CCDC102B: variants seen among roughly 807,000 people sequenced by gnomAD.
CCDC102B encodes the protein coiled-coil domain containing 102B, also known as coiled-coil domain-containing protein 102B.
CCDC102B carries 75 observed loss-of-function variants against 57.4 expected under a neutral mutation model. The observed-to-expected ratio is 1.31, with a 90% CI of 1.08 to 1.58. The LOEUF is 1.58. CCDC102B is among the 40% of genes most tolerant of loss of function. The pLI is 0.00. For synonymous variants in CCDC102B, 206 were observed against 201.9 expected (o/e 1.02, Z -0.17); for missense variants, 636 against 582.6 (o/e 1.09, Z -0.94).
At chr18:68,894,827 T>A (rs937259231) in intron 5 of CCDC102B, among the ~76,000 whole-genome samples, 1 of 151,676 alleles carries the variant, frequency 6.6e-6, no homozygotes, top group Non-Finnish European at 1.5e-5. Context: ...AATCATTACT[T>A]AAAAAAAATC....
chr18:68,965,668 G>A (rs2050150640), intron 6 of CCDC102B, among the ~76,000 whole-genome samples: 1 of 151,574 alleles, frequency 6.6e-6, no homozygotes, highest in Admixed American at 6.6e-5. Flanking sequence ...AAAAATCCTT[G>A]TCAGATTGTT....
intron 5 of CCDC102B, among the ~76,000 whole-genome samples, chr18:68,887,201 T>C (rs2039919463): frequency 6.6e-6 from 1 of 152,084 alleles, no homozygotes; most frequent in African/African-American, 2.4e-5. Flanking sequence ...AGTTCTTCCT[T>C]CTCCCGTCGA....
In CCDC102B at chr18:68,832,466, G is replaced by A. The variant is rs1048164601; in HGVS notation, c.-15-4283G>A. ...GTTCACTTTCAAGGAGCAGGTCAGC[G>A]GTGGATATTCAACCCACTTTATTTT... On this transcript the variant is annotated intron_variant, in intron 1 of 7. Transcript: ENST00000360242. Among the ~76,000 whole-genome samples the A allele has an allele frequency of 5.3e-5, 8 of 152,182 alleles. No individual in the cohort carries two copies. In the South Asian group the frequency reaches 1.0e-3, roughly 20 times the overall value.
At position 68,961,547 on chromosome 18, in the gene CCDC102B, G is replaced by T. The variant is rs551134805; in HGVS notation, c.1264-49387G>T. Among the ~76,000 whole-genome samples the T allele has an allele frequency of 1.1e-4, 16 of 151,992 alleles. 1 individual carries two copies. In the South Asian group the frequency reaches 3.3e-3, roughly 32 times the overall value. On this transcript the variant is annotated intron_variant, in intron 6 of 7. Transcript: ENST00000360242. ...AAAATATTACAAAATATACTAAGAA[G>T]TATGTTACTAAATTTGTAGGAAATT...
Position 69,030,562 on chromosome 18 carries a change from T to G in CCDC102B, c.1434+19458T>G, listed in dbSNP as rs2052111792. Among the ~76,000 whole-genome samples the G allele has an allele frequency of 3.3e-5, 5 of 152,372 alleles. No individual in the cohort carries two copies. In the South Asian group the frequency reaches 1.0e-3, roughly 32 times the overall value. ...CTTGCACTTTGGGAATCTTTTCTTG[T>G]TCTTTGAACTTCCACAAGAATATGG... On this transcript the variant is annotated intron_variant, in intron 7 of 7. Coordinates refer to ENST00000360242, the MANE Select transcript of CCDC102B (RefSeq NM_024781.3).
Position 69,054,434 on chromosome 18 carries a change from T to A in CCDC102B, c.*297T>A. The A allele has an allele frequency of 9.5e-6, 10 of 1,049,336 alleles. No homozygotes were observed. The highest frequency in any genetic ancestry group is 1.1e-5 in the Non-Finnish European group (10 of 872,418). The allele number at this position is 1,049,336 out of a possible 1,614,324, so 65.0% of individuals were successfully genotyped here. On this transcript the variant is annotated 3_prime_UTR_variant, in exon 8 of 8. Transcript: ENST00000360242. ...CTTTTTACATAAAATCTGAAAGAGTTATAATATCGGTAAGAAAAAGTAAGT... is the reference window on the plus strand; with the variant it reads ...CTTTTTACATAAAATCTGAAAGAGTAATAATATCGGTAAGAAAAAGTAAGT...
intron 6 of CCDC102B, among the ~76,000 whole-genome samples, chr18:68,911,583 T>C (rs2040856881): frequency 6.7e-6 from 1 of 149,288 alleles, no homozygotes; most frequent in Admixed American, 6.6e-5. Context: ...AAACCCCGTC[T>C]CTACTAAAAA....
chr18:69,047,636 A>G (rs926601659), intron 7 of CCDC102B, among the ~76,000 whole-genome samples: 5 of 152,132 alleles, frequency 3.3e-5, no homozygotes, highest in African/African-American at 1.2e-4. Flanking sequence ...ATATCTAAAA[A>G]AACCTCATCA....
At chr18:68,788,479 T>A (rs927210323) in intron 2 of CCDC102B, among the ~76,000 whole-genome samples, 1 of 151,574 alleles carries the variant, frequency 6.6e-6, no homozygotes, top group African/African-American at 2.4e-5. Context: ...TCTTTGTAGG[T>A]CGCTCAGGAC....
At position 68,837,097 on chromosome 18, in the gene CCDC102B, G is replaced by A. The variant is rs530556911; in HGVS notation, c.334G>A (p.Glu112Lys). The change falls in exon 2 of 8, where the codon GAA becomes AAA. Residue 112 changes from glutamate (E) to lysine (K), a missense_variant. Physicochemically the swap from Glu to Lys is moderately conservative, Grantham distance 56. Coordinates refer to ENST00000360242, the MANE Select transcript of CCDC102B (RefSeq NM_024781.3). ...AGAAAAATGGAGTAAAGTTCGAGCT[G>A]AAAGGAACAGTGCCAGGGAGGAAGG... ...WREKWSKVRA[E>K]RNSAREEGRQ... 1.2e-6 allele frequency: 2 copies of A among 1,614,164 alleles called. No homozygotes were observed. Among genetic ancestry groups the A allele is most frequent in the East Asian group, 4.5e-5 (2 of 44,880 alleles).
chr18:68,792,523 T>A lies in CCDC102B; in HGVS notation c.-66-30843T>A, dbSNP rs888850907. On this transcript the variant is annotated intron_variant, in intron 2 of 3. Transcript: ENST00000578970. Reference sequence around the variant, plus strand: ...GATGTTGCAGTTAGGTCAACATAACTACTCTTAAAAACAACTATTGCCAGT... The same window carrying A: ...GATGTTGCAGTTAGGTCAACATAACAACTCTTAAAAACAACTATTGCCAGT... 3.3e-5 allele frequency among the ~76,000 whole-genome samples: 5 copies of A among 152,364 alleles called. No homozygotes were observed. The East Asian group carries it at 9.6e-4, about 29-fold the overall frequency.
At chr18:68,975,134 G>A (rs1647914149) in intron 6 of CCDC102B, among the ~76,000 whole-genome samples, 1 of 151,902 alleles carries the variant, frequency 6.6e-6, no homozygotes, top group African/African-American at 2.4e-5. Flanking sequence ...TTGTCTAATG[G>A]GCAGTGTTGG....
chr18:69,033,859 T>C (rs2052213761), intron 7 of CCDC102B, among the ~76,000 whole-genome samples: 1 of 152,086 alleles, frequency 6.6e-6, no homozygotes. Context: ...CCAAAATTTG[T>C]TAGAGTTCAT....
intron 5 of CCDC102B, among the ~76,000 whole-genome samples, chr18:68,882,190 AACAAG>A (rs1463174797): frequency 2.0e-5 from 3 of 152,240 alleles, no homozygotes; most frequent in Non-Finnish European, 4.4e-5. Flanking sequence ...TAAATAAATA[AACAAG>A]ACAATTATTG....
At chr18:68,788,344 T>A (rs2035292028) in intron 2 of CCDC102B, among the ~76,000 whole-genome samples, 1 of 149,962 alleles carries the variant, frequency 6.7e-6, no homozygotes, top group South Asian at 2.1e-4. Context: ...GTCTATTAGG[T>A]CCGCTTGGTG....
intron 6 of CCDC102B, among the ~76,000 whole-genome samples, chr18:68,931,437 C>G (rs1359812350): frequency 6.6e-6 from 1 of 151,518 alleles, no homozygotes; most frequent in East Asian, 1.9e-4. Flanking sequence ...TTTTGATTTC[C>G]TGAGGAAAGC....
chr18:68,853,393 T>C (rs987277993), intron 4 of CCDC102B, among the ~76,000 whole-genome samples: 3 of 151,884 alleles, frequency 2.0e-5, no homozygotes, highest in Admixed American at 1.3e-4. Flanking sequence ...GATCAACTTT[T>C]GGAAAAAGTC....
At position 68,898,450 on chromosome 18, in the gene CCDC102B, A is replaced by G. The variant is rs77410458; in HGVS notation, c.1263+1022A>G. ...AAGTTAAATGTTATAGTCCGTGACCATAATTTTCTATTATATTGATTCATA... is the reference window on the plus strand; with the variant it reads ...AAGTTAAATGTTATAGTCCGTGACCGTAATTTTCTATTATATTGATTCATA... On this transcript the variant is annotated intron_variant, in intron 6 of 7. Coordinates refer to ENST00000360242, the MANE Select transcript of CCDC102B (RefSeq NM_024781.3). Among the ~76,000 whole-genome samples the G allele has an allele frequency of 1.4e-3, 213 of 152,240 alleles. 5 individuals carry two copies. The East Asian group carries it at 0.033, about 24-fold the overall frequency.
At position 69,054,170 on chromosome 18, in the gene CCDC102B, G is replaced by T. The variant is rs760198313; in HGVS notation, c.*33G>T. 1 of 1,554,486 alleles carries T rather than the reference G, an allele frequency of 6.4e-7. No individual in the cohort carries two copies. The highest frequency in any genetic ancestry group is 1.2e-5 in the South Asian group (1 of 82,682). Reference sequence around the variant, plus strand: ...ACAAAATATGCTGAATTAAAGATTAGGGCCTTAAAGACATTTCCATATCCT... The same window carrying T: ...ACAAAATATGCTGAATTAAAGATTATGGCCTTAAAGACATTTCCATATCCT... On this transcript the variant is annotated 3_prime_UTR_variant, in exon 8 of 8. Coordinates refer to ENST00000360242, the MANE Select transcript of CCDC102B (RefSeq NM_024781.3).
Sources: allele counts gnomAD v4.1 joint callset (sites outside exome capture counted in the v4.1 genomes callset), GRCh38; gene constraint gnomAD v4.1.1; transcripts MANE v1.5; gene names NCBI Gene and HGNC (gene_info 2026-07-23, HGNC 2026-07-21).